Variants in SBF2 observed in about 807,000 individuals in gnomAD.
SBF2 encodes SET binding factor 2.
In SBF2, 112 loss-of-function variants were observed where a neutral mutation model predicts 225.2. That is an observed-to-expected ratio of 0.50 (90% CI 0.43 to 0.58). The LOEUF is 0.58. Ranked by LOEUF, SBF2 falls within the 20% of genes least tolerant of loss-of-function variation. The pLI, the probability that SBF2 is intolerant of heterozygous loss-of-function variation, is 0.00. For synonymous variants in SBF2, 763 were observed against 773.3 expected (o/e 0.99, Z 0.22); for missense variants, 1,996 against 2,206.2 (o/e 0.90, Z 1.91).
intron 2 of SBF2, among the ~76,000 whole-genome samples, chr11:10,131,711 G>C (rs1031255417): frequency 6.6e-6 from 1 of 152,096 alleles, no homozygotes; most frequent in Non-Finnish European, 1.5e-5. Context: ...AAAGTGCTGG[G>C]ATTACAGGCA....
chr11:10,065,388 C>T (rs560528966), intron 2 of SBF2, among the ~76,000 whole-genome samples: 1 of 151,484 alleles, frequency 6.6e-6, no homozygotes, highest in African/African-American at 2.4e-5. Flanking sequence ...AGTAAATAAA[C>T]AAGAAAAGAT....
intron 16 of SBF2, among the ~76,000 whole-genome samples, chr11:9,929,846 T>C (rs1262593587): frequency 6.6e-6 from 1 of 152,188 alleles, no homozygotes; most frequent in African/African-American, 2.4e-5. Context: ...CACAGACATT[T>C]ATGCTACAGG....
chr11:9,826,849 A>G (rs7928572), intron 28 of SBF2, among the ~76,000 whole-genome samples: 125,322 of 151,594 alleles, frequency 0.83, 52,749 homozygotes, highest in Non-Finnish European at 0.89. Context: ...ATCTCGGCTC[A>G]TTTTGCTCTT....
chr11:10,057,685 A>G (rs1273631726), intron 2 of SBF2, among the ~76,000 whole-genome samples: 5 of 152,102 alleles, frequency 3.3e-5, no homozygotes, highest in African/African-American at 1.2e-4. Context: ...GATTGCCCCA[A>G]AGTTGCAGTG....
rs184279331 is a variant in SBF2 at position 9,925,829 on chromosome 11, T to C, written c.1861-29818A>G. 3.3e-3 allele frequency among the ~76,000 whole-genome samples: 497 copies of C among 152,312 alleles called. 3 individuals are homozygous for C. The highest frequency in any genetic ancestry group is 3.9e-3 in the Non-Finnish European group (264 of 68,028). On this transcript the variant is annotated intron_variant, in intron 16 of 39. Transcript: ENST00000256190. ...CCACAATTGCCCTTTCCTTAGGCTT[T>C]TGGCTGCTATTTTTAGAATACTGTT...
intron 16 of SBF2, among the ~76,000 whole-genome samples, chr11:9,950,574 T>C (rs965898780): frequency 3.3e-5 from 5 of 152,208 alleles, no homozygotes; most frequent in African/African-American, 1.2e-4. Flanking sequence ...ATTTGCACTT[T>C]AAATATATCG....
intron 17 of SBF2, among the ~76,000 whole-genome samples, chr11:9,879,414 C>A (rs921805799): frequency 1.3e-5 from 2 of 152,070 alleles, no homozygotes; most frequent in Non-Finnish European, 2.9e-5. Context: ...AAAGTCCTTG[C>A]CCTAAATGAA....
chr11:9,922,097 A>G (rs1041628521), intron 16 of SBF2, among the ~76,000 whole-genome samples: 11 of 152,002 alleles, frequency 7.2e-5, no homozygotes, highest in Non-Finnish European at 1.0e-4. Context: ...AAACTTAAAA[A>G]TTAACTGGCA....
chr11:10,153,583 C>G (rs1329568455), intron 2 of SBF2, among the ~76,000 whole-genome samples: 1 of 151,982 alleles, frequency 6.6e-6, no homozygotes, highest in Non-Finnish European at 1.5e-5. Context: ...ATAAAGGTCT[C>G]CAATCAATGA....
At position 10,105,848 on chromosome 11, in the gene SBF2, T is replaced by G. The variant is rs148506466; in HGVS notation, c.142-62867A>C. 2.0e-5 allele frequency among the ~76,000 whole-genome samples: 3 copies of G among 152,252 alleles called. No homozygotes were observed. The East Asian group carries it at 5.8e-4, about 29-fold the overall frequency. The stretch of plus-strand genomic sequence containing the variant: ...AACTCTAAAAATACAATCTAATGCA[T>G]AGTGACAGAAAGCATATCAGTGATA... On this transcript the variant is annotated intron_variant, in intron 2 of 39. Coordinates refer to ENST00000256190, the MANE Select transcript of SBF2 (RefSeq NM_030962.4).
At chr11:9,930,731 A>G (rs565623260) in intron 16 of SBF2, among the ~76,000 whole-genome samples, 1 of 152,330 alleles carries the variant, frequency 6.6e-6, no homozygotes, top group Non-Finnish European at 1.5e-5. Flanking sequence ...TACCTGTTTC[A>G]TCTCATTGGG....
At chr11:9,922,379 T>G (rs1863700284) in intron 16 of SBF2, among the ~76,000 whole-genome samples, 1 of 152,232 alleles carries the variant, frequency 6.6e-6, no homozygotes, top group Non-Finnish European at 1.5e-5. Context: ...TCTAATTTTT[T>G]TCTCTTATAT....
chr11:10,133,855 C>T (rs1156974224), intron 2 of SBF2, among the ~76,000 whole-genome samples: 3 of 152,210 alleles, frequency 2.0e-5, no homozygotes, highest in African/African-American at 2.4e-5. Context: ...ACTGCCAGCA[C>T]GCTGTCACCT....
Position 10,005,000 on chromosome 11 carries a change from C to G in SBF2, c.620-2311G>C, listed in dbSNP as rs554867963. Among the ~76,000 whole-genome samples the G allele has an allele frequency of 1.6e-4, 24 of 152,210 alleles. No homozygotes were observed. The East Asian group carries it at 4.6e-3, about 29-fold the overall frequency. On this transcript the variant is annotated intron_variant, in intron 6 of 39. Transcript: ENST00000256190. ...ACATGAGCAGGGAAGGAGAGGATCCCCCACCCCCATGCCACCACCAGGAAT... is the reference window on the plus strand; with the variant it reads ...ACATGAGCAGGGAAGGAGAGGATCCGCCACCCCCATGCCACCACCAGGAAT...
chr11:10,119,593 T>C (rs1050453995), intron 2 of SBF2, among the ~76,000 whole-genome samples: 2 of 152,178 alleles, frequency 1.3e-5, no homozygotes, highest in Non-Finnish European at 2.9e-5. Context: ...GACATGTCTG[T>C]TTTCACATTA....
At chr11:10,000,157 C>G (rs1381458392) in intron 8 of SBF2, among the ~76,000 whole-genome samples, 1 of 152,224 alleles carries the variant, frequency 6.6e-6, no homozygotes, top group Non-Finnish European at 1.5e-5. Context: ...TCTATAGCCA[C>G]TTCATCCACT....
At chr11:9,812,044 T>TC (rs1479615528) in intron 30 of SBF2, among the ~76,000 whole-genome samples, 2 of 152,138 alleles carry the variant, frequency 1.3e-5, no homozygotes, top group Non-Finnish European at 2.9e-5. Context: ...TGTTTTTTTT[T>TC]CAAGCCTTAG....
chr11:10,153,984 G>A (rs556808080), intron 2 of SBF2, among the ~76,000 whole-genome samples: 3 of 151,778 alleles, frequency 2.0e-5, no homozygotes, highest in East Asian at 3.9e-4. Flanking sequence ...TATATGTATG[G>A]GTCTATGTTT....
Position 9,785,137 on chromosome 11 carries a change from T to A in SBF2, c.5219A>T (p.Asn1740Ile), listed in dbSNP as rs1461292960. The A allele has an allele frequency of 1.9e-6, 3 of 1,612,892 alleles. No homozygotes were observed. The South Asian group carries it at 3.3e-5, about 18-fold the overall frequency. ...ATLYSQYTSK[N>I]DENRSFEGTL... ...TTCAGCATGTCACCTGTTTTCATCA[T>A]TCTTGGATGTATACTGGCTATAGAG... The change falls in exon 37 of 40, where the codon AAT becomes ATT. Residue 1740 changes from asparagine (N) to isoleucine (I), a missense_variant. Physicochemically the swap from Asn to Ile is moderately radical, Grantham distance 149. Transcript: ENST00000256190.
Sources: allele counts gnomAD v4.1 joint callset (sites outside exome capture counted in the v4.1 genomes callset), GRCh38; gene constraint gnomAD v4.1.1; transcripts MANE v1.5; gene names NCBI Gene and HGNC (gene_info 2026-07-23, HGNC 2026-07-21).